Variants in IL16 observed in about 807,000 individuals in gnomAD.
IL16 encodes pro-interleukin-16.
Under a neutral mutation model 110.1 loss-of-function variants are expected in IL16, and 67 were observed. The ratio of observed to expected loss-of-function variants is 0.61; its 90% CI spans 0.50 to 0.75. IL16 has a LOEUF of 0.75. IL16 is among the 30% of genes least tolerant of loss of function. The pLI, the probability that IL16 is intolerant of heterozygous loss-of-function variation, is 0.00. For synonymous variants in IL16, 689 were observed against 662.9 expected, an observed-to-expected ratio of 1.04 and a Z score of -0.61; for missense variants, 1,545 against 1,655.0, an observed-to-expected ratio of 0.93 and a Z score of 1.15.
At chr15:81,184,906 G>A (rs1895396403) in intron 1 of IL16, among the ~76,000 whole-genome samples, 1 of 152,170 alleles carries the variant, frequency 6.6e-6, no homozygotes, top group African/African-American at 2.4e-5. Flanking sequence ...CTGAGCATGT[G>A]GTCATGGTGG....
At chr15:81,254,766 C>T (rs184460640) in intron 2 of IL16, among the ~76,000 whole-genome samples, 3 of 152,304 alleles carry the variant, frequency 2.0e-5, no homozygotes, top group East Asian at 3.9e-4. Context: ...ACTGTGCAGA[C>T]GTTCGTGGGG....
chr15:81,258,771 C>A (rs182836940), intron 2 of IL16, among the ~76,000 whole-genome samples: 14,435 of 149,990 alleles, frequency 0.096, 694 homozygotes, highest in East Asian at 0.11. Context: ...CTCTCTCTCT[C>A]TCTATATATA....
chr15:81,308,706 A>T lies in IL16; in HGVS notation c.3907A>T (p.Ile1303Phe). The change falls in exon 19 of 19, where the codon ATC (isoleucine) becomes TTC (phenylalanine). Residue 1303 changes from isoleucine to phenylalanine, a missense_variant. By Grantham distance (21) the Ile-to-Phe change is conservative (BLOSUM62 0). Transcript: ENST00000683961. ...CCTCACACGGTTTGAAGCCTGGAAC[A>T]TCATCAAGGCACTGCCTGATGGACC... ...QGLTRFEAWNIIKALPDGPVT... is the reference protein window; with the variant it reads ...QGLTRFEAWNFIKALPDGPVT... 1 of 1,614,174 alleles carries T rather than the reference A, an allele frequency of 6.2e-7. No homozygotes were observed. The highest frequency in any genetic ancestry group is 8.5e-7 in the Non-Finnish European group (1 of 1,179,972).
chr15:81,196,131 G>A (rs958299903), upstream of IL16, among the ~76,000 whole-genome samples: 5 of 152,244 alleles, frequency 3.3e-5, no homozygotes, highest in Admixed American at 2.0e-4. Context: ...CTGGCTTGAG[G>A]ACCACTGAGT....
At chr15:81,281,352 G>A (rs935820806) in intron 8 of IL16, among the ~76,000 whole-genome samples, 3 of 152,166 alleles carry the variant, frequency 2.0e-5, no homozygotes, top group South Asian at 2.1e-4. Context: ...ACAGCTCCTC[G>A]TTTTCCAGGC....
intron 2 of IL16, among the ~76,000 whole-genome samples, chr15:81,235,637 A>C (rs2142080706): frequency 6.6e-6 from 1 of 152,256 alleles, no homozygotes; most frequent in South Asian, 2.1e-4. Flanking sequence ...CCCATTTCTC[A>C]ATTTCTCTCC....
chr15:81,299,886 C>T lies in IL16; in HGVS notation c.2560C>T (p.Leu854=). ...CTTTGAAACCTTTGGCTCCTCTCAA[C>T]TGCCTGACAAAGGAGCCCAGAGACT... ...SSFETFGSSQ[L]PDKGAQRLSL... The change falls in exon 14 of 19, where the codon CTG becomes TTG. Residue 854 remains leucine, a synonymous_variant. Coordinates refer to ENST00000683961, the MANE Select transcript of IL16 (RefSeq NM_172217.5). 6.2e-7 allele frequency: 1 copy of T among 1,613,618 alleles called. No individual in the cohort carries two copies. Among genetic ancestry groups the T allele is most frequent in the Non-Finnish European group, 8.5e-7 (1 of 1,180,022 alleles).
chr15:81,236,505 T>G (rs368603060), intron 2 of IL16, among the ~76,000 whole-genome samples: 188 of 152,354 alleles, frequency 1.2e-3, no homozygotes, highest in Non-Finnish European at 2.3e-3. Context: ...ACTTGCTGAC[T>G]GTCTCCCCAA....
intron 2 of IL16, among the ~76,000 whole-genome samples, chr15:81,247,174 C>G (rs1198524301): frequency 2.8e-5 from 4 of 145,316 alleles, no homozygotes; most frequent in African/African-American, 5.3e-5. Flanking sequence ...TTTGTCAACT[C>G]CCCTATTATA....
intron 3 of IL16, among the ~76,000 whole-genome samples, chr15:81,264,994 A>C (rs1898308834): frequency 6.6e-6 from 1 of 152,220 alleles, no homozygotes; most frequent in South Asian, 2.1e-4. Flanking sequence ...TGTTGTAGAC[A>C]ATGACAGGTT....
At position 81,301,411 on chromosome 15, in the gene IL16, A is replaced by G; in HGVS notation, c.3217A>G (p.Ser1073Gly). Residue 1073 changes from serine to glycine, a missense_variant, in exon 15 of 19, where the codon AGT becomes GGT. Transcript: ENST00000683961. ...EAKEDDDGDH[S>G]SLQSGQSVIS... Reference sequence around the variant, plus strand: ...CAAGGAAGACGATGATGGGGACCACAGTTCCCTTCAGTCTGGTCAGTCCGT... The same window carrying G: ...CAAGGAAGACGATGATGGGGACCACGGTTCCCTTCAGTCTGGTCAGTCCGT... 1.9e-6 allele frequency: 3 copies of G among 1,613,726 alleles called. No homozygotes were observed. The highest frequency in any genetic ancestry group is 1.7e-6 in the Non-Finnish European group (2 of 1,179,586).
chr15:81,242,855 G>A (rs1897382266), intron 2 of IL16, among the ~76,000 whole-genome samples: 1 of 151,868 alleles, frequency 6.6e-6, no homozygotes, highest in Non-Finnish European at 1.5e-5. Context: ...GTTTTTTGCA[G>A]ATGTTCTTTA....
chr15:81,283,515 G>A (rs1899291175), intron 9 of IL16, among the ~76,000 whole-genome samples: 1 of 152,120 alleles, frequency 6.6e-6, no homozygotes, highest in South Asian at 2.1e-4. Flanking sequence ...GCTGAACGAG[G>A]ACCTGCATTC....
chr15:81,189,120 ATTT>A (rs34519204), intron 1 of IL16, among the ~76,000 whole-genome samples: 19,749 of 126,404 alleles, frequency 0.16, 1,577 homozygotes, highest in South Asian at 0.29. Context: ...TGCCAAGATA[ATTT>A]TTTTTTTTTT....
At chr15:81,198,891 A>G (rs941071712) in intron 1 of IL16, among the ~76,000 whole-genome samples, 1 of 150,366 alleles carries the variant, frequency 6.7e-6, no homozygotes, top group Non-Finnish European at 1.5e-5. Flanking sequence ...GTGGAGGCAC[A>G]TGCCTGTAAT....
upstream of IL16, chr15:81,196,825 G>T (rs1318564920): frequency 9.0e-7 from 1 of 1,116,082 alleles, no homozygotes; most frequent in Non-Finnish European, 1.1e-6. Context: ...TTCACGTGGA[G>T]CAGTCAGATG....
chr15:81,224,300 AT>A (rs1896715803), intron 1 of IL16, among the ~76,000 whole-genome samples: 1 of 152,172 alleles, frequency 6.6e-6, no homozygotes. Context: ...GCATCCCACA[AT>A]TTGTTGTTCT....
intron 1 of IL16, among the ~76,000 whole-genome samples, chr15:81,214,450 C>T (rs936074437): frequency 3.9e-5 from 6 of 152,170 alleles, no homozygotes; most frequent in Non-Finnish European, 5.9e-5. Flanking sequence ...AAATAGGCCC[C>T]CAATCTCTTC....
At chr15:81,195,187 GCGGGAACTGGATTCAGGTGC>G (rs1342383786), upstream of IL16, among the ~76,000 whole-genome samples, 1 of 152,182 alleles carries the variant, frequency 6.6e-6, no homozygotes, top group African/African-American at 2.4e-5. Context: ...AGAGGGAGAG[GCGGGAACTGGATTCAGGTGC>G]CGATGACAAG....
Sources: gnomAD v4.1 joint callset for allele counts (sites outside exome capture counted in the v4.1 genomes callset) on GRCh38, gnomAD v4.1.1 for gene constraint, MANE v1.5 for transcripts, NCBI Gene and HGNC (gene_info 2026-07-23, HGNC 2026-07-21) for gene names.